Variants in PRDM4 observed in about 807,000 individuals in gnomAD.
PRDM4 encodes PR/SET domain 4, also known as PR domain zinc finger protein 4.
Under a neutral mutation model 62.3 loss-of-function variants are expected in PRDM4, and 38 were observed. The ratio of observed to expected loss-of-function variants is 0.61; its 90% confidence interval spans 0.47 to 0.80. PRDM4 has a LOEUF of 0.80. PRDM4 is among the 30% of genes least tolerant of loss of function. The probability of loss-of-function intolerance (pLI) is 0.00; values close to 1 mark genes in which losing one functional copy is unlikely to be tolerated. For missense variants in PRDM4, 858 were observed against 997.1 expected (o/e 0.86, Z 1.88); for synonymous variants, 339 against 348.2 (o/e 0.97, Z 0.30).
intron 11 of PRDM4, among the ~76,000 whole-genome samples, chr12:107,735,656 A>T (rs1343369073): frequency 6.6e-6 from 1 of 151,960 alleles, no homozygotes; most frequent in African/African-American, 2.4e-5. Flanking sequence ...ACAAAAAATT[A>T]ACCCGGTCAA....
chr12:107,743,689 G>T (rs1432647428), intron 7 of PRDM4, among the ~76,000 whole-genome samples: 1 of 152,174 alleles, frequency 6.6e-6, no homozygotes, highest in Admixed American at 6.5e-5. Context: ...CAAATTTAAA[G>T]TTCCCAATGA....
At chr12:107,743,844 G>A (rs1890595460) in intron 7 of PRDM4, among the ~76,000 whole-genome samples, 1 of 152,176 alleles carries the variant, frequency 6.6e-6, no homozygotes, top group Admixed American at 6.5e-5. Context: ...GCCAGGTGCG[G>A]TGGCTCACAC....
rs1890265228 is a variant in PRDM4 at position 107,734,459 on chromosome 12, C to A, written c.2157G>T (p.Lys719Asn). The change falls in exon 12 of 12, where the codon AAG becomes AAT. Residue 719 changes from lysine to asparagine, a missense_variant. Transcript: ENST00000228437. ...KLFLRTNHLK[K>N]HLNSHEGKRD... ...GTTTTCCTTCATGAGAATTGAGATGCTTCTTTAAGTGATTTGTTCTCAAGA... is the reference window on the plus strand; with the variant it reads ...GTTTTCCTTCATGAGAATTGAGATGATTCTTTAAGTGATTTGTTCTCAAGA... The A allele has an allele frequency of 6.2e-7, 1 of 1,614,154 alleles. No individual in the cohort carries two copies. The highest frequency in any genetic ancestry group is 1.7e-5 in the Admixed American group (1 of 60,022).
At chr12:107,743,606 C>A (rs760242227) in intron 7 of PRDM4, among the ~76,000 whole-genome samples, 21 of 152,224 alleles carry the variant, frequency 1.4e-4, no homozygotes, top group Non-Finnish European at 8.8e-5. Flanking sequence ...ACAGTAGGCA[C>A]TGAATGACTG....
intron 3 of PRDM4, chr12:107,754,728 TA>T (rs1350699862): frequency 6.6e-6 from 1 of 152,040 alleles, no homozygotes; most frequent in Non-Finnish European, 1.5e-5. Flanking sequence ...ACAAATTATA[TA>T]GAGAAAAAAA....
Position 107,752,116 on chromosome 12 carries a change from T to G in PRDM4, c.425A>C (p.Asn142Thr), listed in dbSNP as rs1189764883. The change falls in exon 5 of 12, where the codon AAT (asparagine) becomes ACT (threonine). Residue 142 changes from asparagine to threonine, a missense_variant. Coordinates refer to ENST00000228437, the MANE Select transcript of PRDM4 (RefSeq NM_012406.4). ...VDGNTALSITNNPSALDPYQS... is the reference protein window; with the variant it reads ...VDGNTALSITTNPSALDPYQS... ...ATAGGGATCTAGTGCTGAAGGGTTA[T>G]TGGTGATAGATAATGCTGTATTACC... is the stretch of plus-strand genomic sequence containing the variant. The G allele has an allele frequency of 1.2e-6, 2 of 1,606,170 alleles. No individual in the cohort carries two copies. The highest frequency in any genetic ancestry group is 3.3e-5 in the Admixed American group (2 of 60,004).
intron 4 of PRDM4, among the ~76,000 whole-genome samples, chr12:107,753,278 T>C (rs1890957379): frequency 6.6e-6 from 1 of 151,762 alleles, no homozygotes; most frequent in Non-Finnish European, 1.5e-5. Flanking sequence ...GTGCCTGTAT[T>C]CCAAGCTACT....
rs148191921 is a variant in PRDM4, at chr12:107,734,340, G to C, written c.2276C>G (p.Ser759Trp). 3.1e-6 allele frequency: 5 copies of C among 1,614,032 alleles called. No individual in the cohort carries two copies. Among genetic ancestry groups the C allele is most frequent in the African/African-American group, 1.3e-5 (1 of 74,918 alleles). Reference protein sequence around the residue: ...LKTCKGPTSSSSAPEEEEEDD... With the variant: ...LKTCKGPTSSWSAPEEEEEDD... ...CTCTTCTTCCTCCTCTGGTGCTGAC[G>C]AACTGGAGGTGGGCCCTTTGCAGGT... Residue 759 changes from serine (S) to tryptophan (W), a missense_variant, in exon 12 of 12, where the codon TCG becomes TGG. Physicochemically the swap from Ser to Trp is radical, Grantham distance 177. This residue lies in a region of PRDM4 where 355 missense variants were observed against 432.6 expected (regional missense o/e 0.82). Coordinates refer to ENST00000228437, the MANE Select transcript of PRDM4 (RefSeq NM_012406.4).
At chr12:107,759,358 A>G (rs1163442641) in intron 2 of PRDM4, among the ~76,000 whole-genome samples, 2 of 152,112 alleles carry the variant, frequency 1.3e-5, no homozygotes, top group Admixed American at 1.3e-4. Flanking sequence ...CTTTTCCCTA[A>G]CTCTTTATAG....
rs767579527 is a variant in PRDM4 at position 107,751,437 on chromosome 12, G to A, written c.1104C>T (p.Asn368=). ...QMEDSNSNKE[N]MATLFTIWCT... Reference sequence around the variant, plus strand: ...CACAAATTGTAAACAAGGTTGCCATGTTCTCCTTGTTTGAATTGGAGTCTT... The same window carrying A: ...CACAAATTGTAAACAAGGTTGCCATATTCTCCTTGTTTGAATTGGAGTCTT... Residue 368 remains asparagine (N), a synonymous_variant, in exon 5 of 12, where the codon AAC becomes AAT. Transcript: ENST00000228437. 1 of 1,606,162 alleles carries A rather than the reference G, an allele frequency of 6.2e-7. No homozygotes were observed. The highest frequency in any genetic ancestry group is 1.1e-5 in the South Asian group (1 of 90,978).
At chr12:107,737,291 C>T (rs1480198675) in intron 11 of PRDM4, among the ~76,000 whole-genome samples, 1 of 151,926 alleles carries the variant, frequency 6.6e-6, no homozygotes, top group Non-Finnish European at 1.5e-5. Context: ...CTTTGAAATG[C>T]CCCAAAGTAA....
chr12:107,736,791 A>C (rs1490475359), intron 11 of PRDM4: 2 of 152,422 alleles, frequency 1.3e-5, no homozygotes, highest in Non-Finnish European at 2.9e-5. Context: ...TCCATAGAAG[A>C]AAAGCTGGTG....
Position 107,751,832 on chromosome 12 carries a change from CAGACAGAGG to C in PRDM4, c.700_708del (p.Pro234_Ser236del). The C allele has an allele frequency of 6.2e-7, 1 of 1,614,250 alleles. No homozygotes were observed. Among genetic ancestry groups the C allele is most frequent in the Non-Finnish European group, 8.5e-7 (1 of 1,180,036 alleles). On this transcript the variant is annotated inframe_deletion, in exon 5 of 12. Coordinates refer to ENST00000228437, the MANE Select transcript of PRDM4 (RefSeq NM_012406.4). ...GCAAGGTTGTTGCTCACAGAATCCA[CAGACAGAGG>C]TTCATGACTTCTGGAGCCATTTGGG...
Position 107,752,202 on chromosome 12 carries a change from T to C in PRDM4, c.339A>G (p.Leu113=), listed in dbSNP as rs1890918060. The stretch of plus-strand genomic sequence containing the variant: ...GAGGTGGTCTGTCAGCTAAATAAGA[T>C]AAAATGCCTGAGAAAAGGAAAAGAT... ...SYFRTILPGI[L]SYLADRPPPQ... Residue 113 remains leucine, a synonymous_variant, in exon 5 of 12, where the codon TTA becomes TTG. Coordinates refer to ENST00000228437, the MANE Select transcript of PRDM4 (RefSeq NM_012406.4). 3 of 1,568,778 alleles carry C rather than the reference T, an allele frequency of 1.9e-6. No homozygotes were observed. The highest frequency in any genetic ancestry group is 1.4e-5 in the African/African-American group (1 of 73,806).
rs537447558 is a variant in PRDM4, at chr12:107,741,149, T to A, written c.1721A>T (p.Gln574Leu). 1 of 1,614,180 alleles carries A rather than the reference T, an allele frequency of 6.2e-7. No homozygotes were observed. The highest frequency in any genetic ancestry group is 1.1e-5 in the South Asian group (1 of 91,082). Residue 574 changes from glutamine (Q) to leucine (L), a missense_variant, in exon 10 of 12, where the codon CAG (glutamine) becomes CTG (leucine). Around this residue, in one of 3 missense-constraint regions of PRDM4, gnomAD observed 355 missense variants for 432.6 expected, o/e 0.82. Transcript: ENST00000228437. ...TGGCCCATGGCTGCCGCTATGTCCCTGGGTAGGAAGATGGTTATGGATGTG... is the reference window on the plus strand; with the variant it reads ...TGGCCCATGGCTGCCGCTATGTCCCAGGGTAGGAAGATGGTTATGGATGTG... ...TSHIHNHLPT[Q>L]GHSGSHGPSH...
intron 11 of PRDM4, 121 bp downstream of exon 11, chr12:107,739,262 A>G (rs1255782323): frequency 1.3e-5 from 14 of 1,115,170 alleles, no homozygotes; most frequent in Non-Finnish European, 1.6e-5. Context: ...GGCATCTACC[A>G]TGGTACCAAG....
chr12:107,754,653 G>T (rs1235684596), intron 3 of PRDM4, among the ~76,000 whole-genome samples: 1 of 152,108 alleles, frequency 6.6e-6, no homozygotes, highest in African/African-American at 2.4e-5. Context: ...AAAGTGCGGG[G>T]ATTGCCACCA....
rs1593157971 is a variant in PRDM4 at position 107,733,251 on chromosome 12, A to G, written c.*959T>C. 6.6e-6 allele frequency: 1 copy of G among 152,244 alleles called. No individual in the cohort carries two copies. Among genetic ancestry groups the G allele is most frequent in the Non-Finnish European group, 1.5e-5 (1 of 68,050 alleles). The allele number at this position is 152,244 out of a possible 1,614,324, so 9.4% of individuals were successfully genotyped here. A position where few individuals can be genotyped will look rare whatever the true frequency, so the allele number is the denominator to read the frequency against. On this transcript the variant is annotated 3_prime_UTR_variant, in exon 12 of 12. Coordinates refer to ENST00000228437, the MANE Select transcript of PRDM4 (RefSeq NM_012406.4). ...CAACTGGGAAGACCTAACTTTGCAC[A>G]TGCATTAAATAATGTTATTTTGAGT...
At chr12:107,739,304 C>G in intron 11 of PRDM4, 79 bp downstream of exon 11, 1 of 1,504,664 alleles carries the variant, frequency 6.6e-7, no homozygotes, top group South Asian at 1.3e-5. Context: ...ACTCCCCAGC[C>G]CTTCAATCAG....
Sources: gnomAD v4.1 joint callset for allele counts (sites outside exome capture counted in the v4.1 genomes callset) on GRCh38, gnomAD v4.1.1 for gene constraint, gnomAD v4.1.1 regional missense constraint, MANE v1.5 for transcripts, NCBI Gene and HGNC (gene_info 2026-07-23, HGNC 2026-07-21) for gene names.